Variants in ARMH4 observed in about 807,000 individuals in gnomAD.
ARMH4 encodes the protein armadillo-like helical domain-containing protein 4.
A neutral mutation model predicts 61.9 loss-of-function variants in ARMH4; 49 were observed. The observed-to-expected ratio is 0.79, with a 90% CI of 0.63 to 1.00. The LOEUF (loss-of-function observed/expected upper bound fraction) is 1.00, where lower values mean the gene tolerates loss of function less well. ARMH4 is among the 50% of genes least tolerant of loss of function. The pLI is 0.00. For missense variants in ARMH4, 934 were observed against 930.0 expected (o/e 1.00, Z -0.06); for synonymous variants, 368 against 341.5 (o/e 1.08, Z -0.85).
At chr14:58,071,261 T>C (rs1014170618) in intron 5 of ARMH4, among the ~76,000 whole-genome samples, 13 of 151,840 alleles carry the variant, frequency 8.6e-5, no homozygotes, top group Non-Finnish European at 1.5e-4. Flanking sequence ...TCAGAACACA[T>C]TTCTGCTATC....
chr14:58,149,906 A>C (rs901580588), intron 1 of ARMH4, among the ~76,000 whole-genome samples: 1 of 152,254 alleles, frequency 6.6e-6, no homozygotes, highest in African/African-American at 2.4e-5. Flanking sequence ...CAAATACAGA[A>C]ATGTGAGCAA....
intron 5 of ARMH4, among the ~76,000 whole-genome samples, chr14:58,033,108 C>CAA (rs1883325698): frequency 1.1e-5 from 1 of 89,874 alleles, no homozygotes; most frequent in Admixed American, 1.0e-4. Context: ...AGGGCACAGA[C>CAA]AAACAAAAAG....
At chr14:58,027,820 C>A (rs542669480) in intron 5 of ARMH4, among the ~76,000 whole-genome samples, 3 of 152,052 alleles carry the variant, frequency 2.0e-5, no homozygotes, top group African/African-American at 7.2e-5. Context: ...CCAAACTCAT[C>A]GAGTTGTATA....
chr14:58,061,304 C>G (rs1884523636), intron 5 of ARMH4, among the ~76,000 whole-genome samples: 1 of 152,146 alleles, frequency 6.6e-6, no homozygotes, highest in Non-Finnish European at 1.5e-5. Context: ...AAGGTGTGAT[C>G]TTGACACCCC....
At position 58,139,137 on chromosome 14, in the gene ARMH4, TG is replaced by T; in HGVS notation, c.221del (p.Pro74GlnfsTer2). On this transcript the variant is annotated frameshift_variant, in exon 2 of 8. Transcript: ENST00000267485. LOFTEE classifies it high-confidence loss of function. ...QTPQLVVSEDPMMMSAVPSAT... is the reference protein window; with the variant it reads ...QTPQLVVSEDXMMMSAVPSAT... ...CCGATGGTACTGCTGACATCATCAT[TG>T]GATCTTCAGAGACCACCAGTTGGGG... 6.2e-7 allele frequency: 1 copy of T among 1,614,244 alleles called. No homozygotes were observed. The highest frequency in any genetic ancestry group is 8.5e-7 in the Non-Finnish European group (1 of 1,180,032).
At chr14:58,045,304 G>A (rs530553748) in intron 5 of ARMH4, among the ~76,000 whole-genome samples, 1 of 152,120 alleles carries the variant, frequency 6.6e-6, no homozygotes, top group Non-Finnish European at 1.5e-5. Flanking sequence ...GAGTTCATGT[G>A]CTTTGTAGGG....
intron 6 of ARMH4, among the ~76,000 whole-genome samples, chr14:58,009,345 T>G (rs571410406): frequency 6.6e-6 from 1 of 152,236 alleles, no homozygotes; most frequent in South Asian, 2.1e-4. Flanking sequence ...CCCTTTTTCC[T>G]CCTTCCTCTG....
At chr14:58,077,195 A>G (rs912374982) in intron 5 of ARMH4, among the ~76,000 whole-genome samples, 2 of 152,238 alleles carry the variant, frequency 1.3e-5, no homozygotes, top group Non-Finnish European at 2.9e-5. Flanking sequence ...TTAGTGATTA[A>G]TAACACACTG....
chr14:58,030,604 C>G (rs146590518), intron 5 of ARMH4, among the ~76,000 whole-genome samples: 2 of 152,268 alleles, frequency 1.3e-5, no homozygotes, highest in African/African-American at 4.8e-5. Flanking sequence ...AACTCTATAC[C>G]CATTTTTTAA....
At chr14:58,097,671 C>T (rs1450318615) in intron 4 of ARMH4, among the ~76,000 whole-genome samples, 2 of 142,182 alleles carry the variant, frequency 1.4e-5, no homozygotes, top group African/African-American at 2.7e-5. Context: ...CACAATTCGT[C>T]GTTTTCTTGA....
At chr14:58,069,754 G>T (rs1218526455) in intron 5 of ARMH4, among the ~76,000 whole-genome samples, 1 of 152,144 alleles carries the variant, frequency 6.6e-6, no homozygotes, top group Non-Finnish European at 1.5e-5. Context: ...AGGTAATATA[G>T]GTAGCCAACA....
intron 1 of ARMH4, among the ~76,000 whole-genome samples, chr14:58,140,262 CA>C (rs1887487296): frequency 8.2e-6 from 1 of 122,506 alleles, no homozygotes; most frequent in Non-Finnish European, 1.7e-5. Flanking sequence ...GCAACAAGAG[CA>C]AAACTCCATC....
At chr14:58,029,040 C>A (rs185142696) in intron 5 of ARMH4, among the ~76,000 whole-genome samples, 1 of 152,060 alleles carries the variant, frequency 6.6e-6, no homozygotes, top group Non-Finnish European at 1.5e-5. Flanking sequence ...ATCAACACCC[C>A]CCCTCCAAAT....
intron 6 of ARMH4, among the ~76,000 whole-genome samples, chr14:58,011,607 C>T (rs1289486970): frequency 6.6e-6 from 1 of 151,940 alleles, no homozygotes; most frequent in Non-Finnish European, 1.5e-5. Flanking sequence ...ACAATATCAA[C>T]CTGGAAGTTA....
chr14:58,135,192 G>A (rs980465556), intron 2 of ARMH4, among the ~76,000 whole-genome samples: 3 of 152,090 alleles, frequency 2.0e-5, no homozygotes, highest in Non-Finnish European at 4.4e-5. Flanking sequence ...AACAATGTGA[G>A]TCAGGGTAAG....
Position 58,003,375 on chromosome 14 carries a change from A to G in ARMH4, c.*1361T>C, listed in dbSNP as rs1882045879. ...TTCAGTCAAATGGGAGAATAAAAAC[A>G]TATGTCCTACCTCACATAGTAGCTC... On this transcript the variant is annotated 3_prime_UTR_variant, in exon 8 of 8. Transcript: ENST00000267485. 2 of 152,264 alleles carry G rather than the reference A, an allele frequency of 1.3e-5. No homozygotes were observed. Among genetic ancestry groups the G allele is most frequent in the East Asian group, 1.9e-4 (1 of 5,202 alleles). The allele number at this position is 152,264 out of a possible 1,614,324, so 9.4% of individuals were successfully genotyped here.
At chr14:58,051,956 T>G (rs1400613225) in intron 5 of ARMH4, among the ~76,000 whole-genome samples, 2 of 152,202 alleles carry the variant, frequency 1.3e-5, no homozygotes, top group African/African-American at 4.8e-5. Context: ...GCTTGAATGC[T>G]AAAAACAACT....
At chr14:58,143,337 A>AT (rs895325085) in intron 1 of ARMH4, among the ~76,000 whole-genome samples, 4 of 152,228 alleles carry the variant, frequency 2.6e-5, no homozygotes, top group Non-Finnish European at 4.4e-5. Context: ...TAGAAGAAAC[A>AT]TAAGTCCCCA....
Position 58,004,118 on chromosome 14 carries a change from C to T in ARMH4, c.*618G>A, listed in dbSNP as rs1022248833. The stretch of plus-strand genomic sequence containing the variant: ...ATTTTTTTCCTCGCCAAGAATAAAA[C>T]GGAAGGTGAGAATAATAAAACTAGG... On this transcript the variant is annotated 3_prime_UTR_variant, in exon 8 of 8. Transcript: ENST00000267485. 5 of 152,028 alleles carry T rather than the reference C, an allele frequency of 3.3e-5. No individual in the cohort carries two copies. The highest frequency in any genetic ancestry group is 4.8e-5 in the African/African-American group (2 of 41,382). The allele number at this position is 152,028 out of a possible 1,614,324, so 9.4% of individuals were successfully genotyped here. A position where few individuals can be genotyped will look rare whatever the true frequency, so the allele number is the denominator to read the frequency against.
Sources: gnomAD v4.1 joint callset for allele counts (sites outside exome capture counted in the v4.1 genomes callset) on GRCh38, gnomAD v4.1.1 for gene constraint, MANE v1.5 for transcripts, NCBI Gene and HGNC (gene_info 2026-07-23, HGNC 2026-07-21) for gene names.